The following C2orf66 variants were observed in gnomAD, a reference collection of about 807,000 sequenced individuals.
The protein encoded by C2orf66 is uncharacterized protein C2orf66.
In C2orf66, 6 loss-of-function variants were observed where a neutral mutation model predicts 7.0. The ratio of observed to expected loss-of-function variants is 0.86; its 90% confidence interval spans 0.47 to 1.69. The LOEUF (loss-of-function observed/expected upper bound fraction) is 1.69. Among genes scored for constraint, C2orf66 ranks in the 40% most tolerant of loss-of-function variants. C2orf66 has a pLI of 0.01. For missense variants in C2orf66, 107 were observed against 112.0 expected (o/e 0.96, Z 0.20); for synonymous variants, 38 against 43.8 (o/e 0.87, Z 0.52).
the C2orf66 span, among the ~76,000 whole-genome samples, chr2:196,830,946 A>G: frequency 6.6e-6 from 1 of 152,114 alleles, no homozygotes; most frequent in Non-Finnish European, 1.5e-5. Flanking sequence ...AGTGTAACCT[A>G]TCTCTCTAAT....
At chr2:196,829,998 T>C in the C2orf66 span, among the ~76,000 whole-genome samples, 1 of 152,224 alleles carries the variant, frequency 6.6e-6, no homozygotes, top group African/African-American at 2.4e-5. Context: ...TTCATATATT[T>C]AGGGATGCTG....
the C2orf66 span, among the ~76,000 whole-genome samples, chr2:196,815,084 C>G: frequency 6.6e-6 from 1 of 152,154 alleles, no homozygotes; most frequent in Non-Finnish European, 1.5e-5. Flanking sequence ...TCCACCCTAG[C>G]CTCCCGAGTA....
chr2:196,827,820 A>G, the C2orf66 span, among the ~76,000 whole-genome samples: 1 of 152,206 alleles, frequency 6.6e-6, no homozygotes, highest in South Asian at 2.1e-4. Flanking sequence ...AACATACCTC[A>G]CAGAACTATT....
At chr2:196,821,202 G>C in the C2orf66 span, among the ~76,000 whole-genome samples, 2 of 152,198 alleles carry the variant, frequency 1.3e-5, no homozygotes, top group African/African-American at 4.8e-5. Flanking sequence ...CTTCCATAGG[G>C]TGTCCAGAGG....
chr2:196,810,441 AT>A (rs1699863509), upstream of C2orf66, among the ~76,000 whole-genome samples: 3 of 152,240 alleles, frequency 2.0e-5, no homozygotes, highest in Non-Finnish European at 4.4e-5. Context: ...CAAGTTTTAA[AT>A]AGTGGCATCA....
the C2orf66 span, among the ~76,000 whole-genome samples, chr2:196,829,557 C>G: frequency 6.6e-6 from 1 of 151,170 alleles, no homozygotes; most frequent in Admixed American, 6.6e-5. Context: ...CCACTTCATT[C>G]CAGCCTGGGC....
At chr2:196,807,682 G>T in intron 1 of C2orf66, 60 bp from the exon 2 acceptor site, 1 of 1,378,862 alleles carries the variant, frequency 7.3e-7, no homozygotes, top group Non-Finnish European at 1.0e-6. Flanking sequence ...AAATAAAGGT[G>T]TTTTTCTTCC....
the C2orf66 span, among the ~76,000 whole-genome samples, chr2:196,817,137 C>G: frequency 6.6e-6 from 1 of 151,964 alleles, no homozygotes; most frequent in African/African-American, 2.4e-5. Flanking sequence ...ATCAGAAACT[C>G]CTGCTAAGGG....
the C2orf66 span, among the ~76,000 whole-genome samples, chr2:196,816,042 G>A: frequency 2.0e-5 from 3 of 152,114 alleles, no homozygotes; most frequent in African/African-American, 7.2e-5. Context: ...TGCTTTTTTT[G>A]TGTGTGACAG....
At chr2:196,829,892 A>G in the C2orf66 span, among the ~76,000 whole-genome samples, 4,958 of 152,206 alleles carry the variant, frequency 0.033, 111 homozygotes, top group South Asian at 0.089. Flanking sequence ...GCGAGACTCC[A>G]TCTCAAAACA....
At position 196,805,318 on chromosome 2, in the gene C2orf66, G is replaced by A. The variant is rs1356466401; in HGVS notation, c.*110C>T. 6.6e-6 allele frequency: 1 copy of A among 152,022 alleles called. No homozygotes were observed. The highest frequency in any genetic ancestry group is 1.9e-4 in the East Asian group (1 of 5,188). The allele number at this position is 152,022 out of a possible 1,614,324, so 9.4% of individuals were successfully genotyped here. On this transcript the variant is annotated 3_prime_UTR_variant, in exon 3 of 3. Transcript: ENST00000342506. Reference sequence around the variant, plus strand: ...TTACAAACTGAAAAATAAAAGTGAGGGGGAAAGAAACTCCATGAAAGTTTA... The same window carrying A: ...TTACAAACTGAAAAATAAAAGTGAGAGGGAAAGAAACTCCATGAAAGTTTA...
upstream of C2orf66, among the ~76,000 whole-genome samples, chr2:196,810,449 A>G (rs1699863545): frequency 6.6e-6 from 1 of 152,228 alleles, no homozygotes; most frequent in Non-Finnish European, 1.5e-5. Flanking sequence ...AAATAGTGGC[A>G]TCATTTATCA....
chr2:196,825,613 C>CA, the C2orf66 span, among the ~76,000 whole-genome samples: 1 of 152,144 alleles, frequency 6.6e-6, no homozygotes, highest in Admixed American at 6.5e-5. Flanking sequence ...GAGGGGGAGA[C>CA]AATCTCAAAG....
chr2:196,818,150 G>C, the C2orf66 span, among the ~76,000 whole-genome samples: 16,457 of 152,248 alleles, frequency 0.11, 937 homozygotes, highest in South Asian at 0.13. Context: ...ATGTTCCTCT[G>C]CTGCGGCTCC....
the C2orf66 span, among the ~76,000 whole-genome samples, chr2:196,827,103 T>C: frequency 9.2e-5 from 14 of 151,480 alleles, no homozygotes; most frequent in Admixed American, 6.6e-4. Flanking sequence ...ACCCTTTCTC[T>C]ACAAAAAATT....
At chr2:196,821,282 C>T in the C2orf66 span, among the ~76,000 whole-genome samples, 8 of 152,282 alleles carry the variant, frequency 5.3e-5, no homozygotes, top group South Asian at 4.1e-4. Flanking sequence ...GCCTTCAAAA[C>T]TGTGAGAGAA....
chr2:196,804,465 C>T lies in C2orf66; in HGVS notation c.*963G>A, dbSNP rs2289380. 0.53 allele frequency among the ~76,000 whole-genome samples: 80,575 copies of T among 152,138 alleles called. 25,785 individuals are homozygous for T. The highest frequency in any genetic ancestry group is 0.91 in the East Asian group (4,722 of 5,188). ...CTTCATATACAATATCAATAATCCA[C>T]CCAAAAAAGCCACATTAAAATATTT... On this transcript the variant is annotated 3_prime_UTR_variant, in exon 3 of 3. Transcript: ENST00000342506.
At chr2:196,806,686 TA>T (rs879690476) in intron 2 of C2orf66, among the ~76,000 whole-genome samples, 206 of 141,546 alleles carry the variant, frequency 1.5e-3, no homozygotes, top group Admixed American at 1.6e-3. Flanking sequence ...CTGTCTCTAC[TA>T]AAAAAAAAAA....
chr2:196,813,542 C>T (rs1699895905), upstream of C2orf66, among the ~76,000 whole-genome samples: 2 of 152,114 alleles, frequency 1.3e-5, no homozygotes, highest in African/African-American at 4.8e-5. Flanking sequence ...ACTAAAACAC[C>T]AAAAGCAATG....
Sources: gnomAD v4.1 joint callset for allele counts (sites outside exome capture counted in the v4.1 genomes callset) on GRCh38, gnomAD v4.1.1 for gene constraint, MANE v1.5 for transcripts, NCBI Gene and HGNC (gene_info 2026-07-23, HGNC 2026-07-21) for gene names.